The following CAST variants were observed in gnomAD, a reference collection of about 807,000 sequenced individuals.
CAST encodes the protein MIR583 host.
A neutral mutation model predicts 119.6 loss-of-function variants in CAST; 76 were observed. The ratio of observed to expected loss-of-function variants is 0.64; its 90% CI spans 0.53 to 0.77. The LOEUF is 0.77. Among genes scored for constraint, CAST ranks in the 30% least tolerant of loss-of-function variants. The probability of loss-of-function intolerance (pLI) is 0.00; values close to 1 mark genes in which losing one functional copy is unlikely to be tolerated. For synonymous variants in CAST, 319 were observed against 331.6 expected (o/e 0.96, Z 0.41); for missense variants, 953 against 946.5 (o/e 1.01, Z -0.09).
the CAST span, among the ~76,000 whole-genome samples, chr5:96,386,685 C>G: frequency 6.6e-6 from 1 of 152,224 alleles, no homozygotes; most frequent in African/African-American, 2.4e-5. Context: ...CCATACTTTG[C>G]CAGGCATGGT....
chr5:96,534,386 C>T (rs575048918), intron 1 of CAST, among the ~76,000 whole-genome samples: 8 of 91,116 alleles, frequency 8.8e-5, no homozygotes, highest in Admixed American at 1.3e-4. Context: ...TGTCCTGTTT[C>T]GGTGAAGTAT....
At chr5:96,654,526 T>G (rs1018066407) in intron 1 of CAST, among the ~76,000 whole-genome samples, 21 of 152,174 alleles carry the variant, frequency 1.4e-4, no homozygotes, top group Non-Finnish European at 2.6e-4. Flanking sequence ...GATGTTATAT[T>G]TTAATCTGAG....
At chr5:96,554,277 C>A (rs1746190420) in intron 1 of CAST, among the ~76,000 whole-genome samples, 1 of 152,222 alleles carries the variant, frequency 6.6e-6, no homozygotes, top group South Asian at 2.1e-4. Flanking sequence ...TGATCTTTGA[C>A]AAACTTGACA....
the CAST span, among the ~76,000 whole-genome samples, chr5:96,241,821 T>C: frequency 4.6e-5 from 7 of 151,254 alleles, no homozygotes; most frequent in East Asian, 1.2e-3. Flanking sequence ...CCAGTGATGG[T>C]GAGCATTTTT....
chr5:96,108,163 G>T, the CAST span, among the ~76,000 whole-genome samples: 1 of 152,040 alleles, frequency 6.6e-6, no homozygotes, highest in Non-Finnish European at 1.5e-5. Context: ...TTTGCCTTTG[G>T]TTTGAATGTC....
the CAST span, among the ~76,000 whole-genome samples, chr5:96,226,581 T>C: frequency 6.6e-6 from 1 of 152,064 alleles, no homozygotes; most frequent in Non-Finnish European, 1.5e-5. Flanking sequence ...CGGTCAAGCC[T>C]GGGAGGCAGA....
At chr5:96,102,502 A>G in the CAST span, among the ~76,000 whole-genome samples, 1 of 152,060 alleles carries the variant, frequency 6.6e-6, no homozygotes, top group South Asian at 2.1e-4. Context: ...TTCAGAAATA[A>G]CCAATCAGGA....
the CAST span, among the ~76,000 whole-genome samples, chr5:96,142,708 G>A: frequency 6.6e-6 from 1 of 152,114 alleles, no homozygotes; most frequent in African/African-American, 2.4e-5. Flanking sequence ...GTATGGTGGA[G>A]GTGCAGTGGG....
the CAST span, among the ~76,000 whole-genome samples, chr5:96,021,993 A>G: frequency 1.3e-5 from 2 of 152,224 alleles, no homozygotes; most frequent in Admixed American, 1.3e-4. Context: ...CTGAACATAT[A>G]CAGACATTTT....
the CAST span, among the ~76,000 whole-genome samples, chr5:96,108,932 C>T: frequency 6.6e-6 from 1 of 152,240 alleles, no homozygotes; most frequent in Admixed American, 6.5e-5. Flanking sequence ...CCTGGTGCAC[C>T]GTTTTTTAAG....
the CAST span, among the ~76,000 whole-genome samples, chr5:96,325,426 CTTTCT>C: frequency 6.7e-6 from 1 of 149,122 alleles, no homozygotes; most frequent in Admixed American, 6.7e-5. Context: ...TTCTTTCCTT[CTTTCT>C]TTTCTTTCTT....
the CAST span, among the ~76,000 whole-genome samples, chr5:96,336,381 A>G: frequency 2.0e-5 from 3 of 152,244 alleles, no homozygotes; most frequent in Admixed American, 6.5e-5. Context: ...GAGAGGGAAA[A>G]AGAGAAAAAA....
chr5:96,741,680 A>AT (rs894918872), intron 15 of CAST, 100 bp downstream of exon 15: 36 of 755,922 alleles, frequency 4.8e-5, no homozygotes, highest in Admixed American at 2.2e-4. Context: ...AGAAGCCATG[A>AT]TTTTTTCCCT....
At chr5:96,371,606 A>T in the CAST span, among the ~76,000 whole-genome samples, 1 of 152,248 alleles carries the variant, frequency 6.6e-6, no homozygotes, top group East Asian at 1.9e-4. Context: ...TCTTTCACTC[A>T]CTGGACTGTA....
intron 1 of CAST, among the ~76,000 whole-genome samples, chr5:96,672,584 G>T (rs890109409): frequency 1.3e-5 from 2 of 151,700 alleles, no homozygotes; most frequent in Non-Finnish European, 2.9e-5. Flanking sequence ...GTGCACACCT[G>T]TAATCCCAGC....
At chr5:96,140,579 C>A in the CAST span, among the ~76,000 whole-genome samples, 1 of 152,234 alleles carries the variant, frequency 6.6e-6, no homozygotes, top group Non-Finnish European at 1.5e-5. Flanking sequence ...CTCTGCCACA[C>A]ACAGCTATGG....
chr5:96,265,574 C>T, the CAST span, among the ~76,000 whole-genome samples: 1 of 152,060 alleles, frequency 6.6e-6, no homozygotes, highest in Admixed American at 6.6e-5. Context: ...CCTTTTTGTT[C>T]TATTCAGGCC....
At chr5:96,105,928 A>G in the CAST span, among the ~76,000 whole-genome samples, 1 of 152,212 alleles carries the variant, frequency 6.6e-6, no homozygotes, top group Non-Finnish European at 1.5e-5. Flanking sequence ...TTATTGATCT[A>G]TTCAGAGATT....
At chr5:96,244,398 A>G in the CAST span, among the ~76,000 whole-genome samples, 1 of 152,328 alleles carries the variant, frequency 6.6e-6, no homozygotes, top group African/African-American at 2.4e-5. Context: ...GTTCTGGGAA[A>G]TATGGTAAGC....
Sources: gnomAD v4.1 joint callset for allele counts (sites outside exome capture counted in the v4.1 genomes callset) on GRCh38, gnomAD v4.1.1 for gene constraint, MANE v1.5 for transcripts, NCBI Gene and HGNC (gene_info 2026-07-23, HGNC 2026-07-21) for gene names.